EGFLAM: variants seen among roughly 807,000 people sequenced by gnomAD.
EGFLAM encodes EGF like, fibronectin type III and laminin G domains.
A neutral mutation model predicts 113.1 loss-of-function variants in EGFLAM; 79 were observed. That is an observed-to-expected ratio of 0.70 (90% CI 0.58 to 0.84). The LOEUF is 0.84. EGFLAM is among the 40% of genes least tolerant of loss of function. The pLI is 0.00. For synonymous variants in EGFLAM, 504 were observed against 487.6 expected (o/e 1.03, Z -0.44); for missense variants, 1,265 against 1,291.6 (o/e 0.98, Z 0.32).
intron 15 of EGFLAM, among the ~76,000 whole-genome samples, chr5:38,433,005 T>G (rs532724168): frequency 6.6e-6 from 1 of 152,274 alleles, no homozygotes; most frequent in African/African-American, 2.4e-5. Context: ...GGCTTTGGTG[T>G]GTGCATTGGA....
chr5:38,267,034 G>A (rs17337455), intron 1 of EGFLAM, among the ~76,000 whole-genome samples: 16,957 of 152,150 alleles, frequency 0.11, 1,088 homozygotes, highest in Admixed American at 0.17. Context: ...TGCTACCTAA[G>A]GAGAGGATAT....
chr5:38,418,180 T>G lies in EGFLAM; in HGVS notation c.1609T>G (p.Ser537Ala). Residue 537 changes from serine to alanine, a missense_variant, in exon 12 of 22, where the codon TCG becomes GCG. By Grantham distance (99) the Ser-to-Ala change is moderately conservative. Coordinates refer to ENST00000322350, the MANE Select transcript of EGFLAM (RefSeq NM_152403.4). ...TNRGFQGCVQSLAVNGRRIDM... is the reference protein window; with the variant it reads ...TNRGFQGCVQALAVNGRRIDM... Reference sequence around the variant, plus strand: ...CCGAGGCTTTCAAGGCTGTGTGCAGTCGCTCGCTGTGAATGGGAGGAGAAT... The same window carrying G: ...CCGAGGCTTTCAAGGCTGTGTGCAGGCGCTCGCTGTGAATGGGAGGAGAAT... The G allele has an allele frequency of 6.2e-7, 1 of 1,614,182 alleles. No homozygotes were observed. Among genetic ancestry groups the G allele is most frequent in the Non-Finnish European group, 8.5e-7 (1 of 1,180,030 alleles).
intron 20 of EGFLAM, chr5:38,462,478 CTGT>C (rs1219048693): frequency 5.9e-6 from 1 of 168,550 alleles, no homozygotes; most frequent in African/African-American, 2.4e-5. Flanking sequence ...TTTCTCTTTG[CTGT>C]TGTTGCTTTC....
rs374899896 is a variant in EGFLAM, at chr5:38,258,580, G to C, written c.-175G>C. ...CTTCACTCGCGCACGCCGACCTCCC[G>C]GCTGCAGTCCTACCTCTTGGAACTA... On this transcript the variant is annotated 5_prime_UTR_variant, in exon 1 of 22. Transcript: ENST00000322350. 5 of 616,078 alleles carry C rather than the reference G, an allele frequency of 8.1e-6. No individual in the cohort carries two copies. Among genetic ancestry groups the C allele is most frequent in the Middle Eastern group, 4.5e-4 (1 of 2,202 alleles). The allele number at this position is 616,078 out of a possible 1,614,324, so 38.2% of individuals were successfully genotyped here. A position where few individuals can be genotyped will look rare whatever the true frequency, so the allele number is the denominator to read the frequency against.
intron 1 of EGFLAM, among the ~76,000 whole-genome samples, chr5:38,266,104 G>T (rs1332915181): frequency 6.6e-6 from 1 of 152,166 alleles, no homozygotes; most frequent in Non-Finnish European, 1.5e-5. Context: ...TTGCAATGGC[G>T]TTAACAAAAA....
chr5:38,462,109 C>T (rs751587127), intron 20 of EGFLAM, among the ~76,000 whole-genome samples: 102 of 152,260 alleles, frequency 6.7e-4, no homozygotes, highest in Middle Eastern at 3.4e-3. Flanking sequence ...GCGGAGCCTG[C>T]AGTGAGCCGA....
chr5:38,358,395 C>T (rs532911140), intron 5 of EGFLAM, among the ~76,000 whole-genome samples: 2 of 133,722 alleles, frequency 1.5e-5, no homozygotes, highest in Admixed American at 9.7e-5. Flanking sequence ...TGCAGTGAGC[C>T]CAGATCGCGC....
At chr5:38,405,494 G>A (rs951166581) in intron 6 of EGFLAM, among the ~76,000 whole-genome samples, 3 of 152,128 alleles carry the variant, frequency 2.0e-5, no homozygotes, top group Non-Finnish European at 2.9e-5. Flanking sequence ...ATTAAGCCAT[G>A]TTGATATATT....
intron 6 of EGFLAM, among the ~76,000 whole-genome samples, chr5:38,385,187 A>G (rs1646099791): frequency 6.6e-6 from 1 of 151,712 alleles, no homozygotes; most frequent in South Asian, 2.1e-4. Flanking sequence ...TAATAAGTGT[A>G]TGCAATTTAC....
At chr5:38,431,771 A>G (rs1742197344) in intron 15 of EGFLAM, among the ~76,000 whole-genome samples, 1 of 152,148 alleles carries the variant, frequency 6.6e-6, no homozygotes, top group African/African-American at 2.4e-5. Context: ...TTCTTGTCTC[A>G]GCATTATCCT....
intron 1 of EGFLAM, among the ~76,000 whole-genome samples, chr5:38,327,805 C>T (rs557029624): frequency 2.0e-5 from 3 of 152,172 alleles, no homozygotes; most frequent in Non-Finnish European, 2.9e-5. Context: ...AACTGAACCA[C>T]AGACTTTATT....
At chr5:38,424,854 G>C in intron 12 of EGFLAM, 113 bp from the exon 13 acceptor site, 1 of 1,412,074 alleles carries the variant, frequency 7.1e-7, no homozygotes, top group Non-Finnish European at 9.5e-7. Flanking sequence ...ATCAACAGGA[G>C]TAAGAACTGA....
chr5:38,453,072 T>C (rs912882774), intron 19 of EGFLAM, among the ~76,000 whole-genome samples: 2 of 152,140 alleles, frequency 1.3e-5, no homozygotes, highest in African/African-American at 4.8e-5. Context: ...AGCCCCAGCA[T>C]CACCTGGGAA....
chr5:38,378,952 T>A (rs533975069), intron 6 of EGFLAM, among the ~76,000 whole-genome samples: 216 of 152,320 alleles, frequency 1.4e-3, no homozygotes, highest in African/African-American at 4.6e-3. Context: ...GTTCCCTCCA[T>A]GCCTAGTTAC....
intron 1 of EGFLAM, among the ~76,000 whole-genome samples, chr5:38,288,941 A>G (rs1232332646): frequency 6.6e-6 from 1 of 152,162 alleles, no homozygotes; most frequent in African/African-American, 2.4e-5. Flanking sequence ...CTCATGTCCT[A>G]TAATTGGGTC....
chr5:38,302,214 G>C (rs1389477159), intron 1 of EGFLAM, among the ~76,000 whole-genome samples: 1 of 148,096 alleles, frequency 6.8e-6, no homozygotes. Flanking sequence ...TCCGGCCTGG[G>C]TGACAGAGTG....
chr5:38,315,882 C>A (rs1029492467), intron 1 of EGFLAM, among the ~76,000 whole-genome samples: 1 of 152,102 alleles, frequency 6.6e-6, no homozygotes, highest in Admixed American at 6.6e-5. Context: ...TCGAGACCAG[C>A]CTGTCCAACA....
At chr5:38,427,406 G>A in intron 14 of EGFLAM, 154 bp downstream of exon 14, 2 of 1,293,682 alleles carry the variant, frequency 1.5e-6, no homozygotes, top group South Asian at 3.0e-5. Flanking sequence ...CCTGCTTCAG[G>A]CAGATGACAG....
At chr5:38,457,152 A>G (rs1743114332) in intron 19 of EGFLAM, among the ~76,000 whole-genome samples, 1 of 152,210 alleles carries the variant, frequency 6.6e-6, no homozygotes, top group South Asian at 2.1e-4. Context: ...ACCAAGTTCA[A>G]GTTCTACATT....
Sources: gnomAD v4.1 joint callset for allele counts (sites outside exome capture counted in the v4.1 genomes callset) on GRCh38, gnomAD v4.1.1 for gene constraint, MANE v1.5 for transcripts, NCBI Gene and HGNC (gene_info 2026-07-23, HGNC 2026-07-21) for gene names.